The following EXOC5 variants were observed in gnomAD, a reference collection of about 807,000 sequenced individuals.
The protein encoded by EXOC5 is SEC10-like 1.
In EXOC5, 17 loss-of-function variants were observed where a neutral mutation model predicts 90.8. The observed-to-expected ratio is 0.19, with a 90% CI of 0.13 to 0.28. The LOEUF is 0.28. EXOC5 is among the 10% of genes least tolerant of loss of function. The pLI is 1.00. For missense variants in EXOC5, 569 were observed against 830.6 expected, an observed-to-expected ratio of 0.69 and a Z score of 3.87; for synonymous variants, 260 against 270.0, an observed-to-expected ratio of 0.96 and a Z score of 0.36.
At chr14:57,215,311 C>T (rs188290069) in intron 15 of EXOC5, among the ~76,000 whole-genome samples, 1 of 151,870 alleles carries the variant, frequency 6.6e-6, no homozygotes, top group East Asian at 1.9e-4. Flanking sequence ...ATTACACTTT[C>T]AAACTCATTT....
chr14:57,268,342 C>T, intron 1 of EXOC5: 3 of 754,080 alleles, frequency 4.0e-6, no homozygotes, highest in Non-Finnish European at 6.1e-6. Flanking sequence ...TCCAGACTTT[C>T]CCTCTTGCCC....
intron 13 of EXOC5, among the ~76,000 whole-genome samples, chr14:57,221,076 A>G (rs1162281266): frequency 6.6e-6 from 1 of 152,172 alleles, no homozygotes; most frequent in Non-Finnish European, 1.5e-5. Flanking sequence ...GAAGATAATA[A>G]GGATAACTGG....
rs906590824 is a variant in EXOC5, at chr14:57,206,651, C to T, written c.*1958G>A. ...CACTTTTAAATTAAGTATTCACTTA[C>T]GAATTTTGTCACTGTCCTATCAACG... On this transcript the variant is annotated 3_prime_UTR_variant, in exon 18 of 18. Transcript: ENST00000621441. 3.3e-5 allele frequency: 5 copies of T among 152,278 alleles called. No individual in the cohort carries two copies. Among genetic ancestry groups the T allele is most frequent in the Admixed American group, 1.3e-4 (2 of 15,208 alleles). 9.4% of individuals were successfully genotyped at this position (152,278 alleles called of 1,614,324 possible).
At chr14:57,266,494 C>T (rs1034204272) in intron 1 of EXOC5, among the ~76,000 whole-genome samples, 2 of 152,064 alleles carry the variant, frequency 1.3e-5, no homozygotes, top group Admixed American at 1.3e-4. Context: ...AACTATTATG[C>T]TTTTAATTAT....
intron 12 of EXOC5, among the ~76,000 whole-genome samples, chr14:57,228,563 A>G (rs1232165477): frequency 6.6e-6 from 1 of 152,164 alleles, no homozygotes; most frequent in African/African-American, 2.4e-5. Flanking sequence ...AGGGACACAG[A>G]TGAAGCTAGA....
intron 4 of EXOC5, among the ~76,000 whole-genome samples, chr14:57,243,799 T>C (rs1163195583): frequency 2.6e-5 from 4 of 152,280 alleles, no homozygotes; most frequent in East Asian, 3.9e-4. Flanking sequence ...TTATCAATGA[T>C]TTAGGTCAGA....
At chr14:57,252,188 A>C (rs1884216339) in intron 1 of EXOC5, among the ~76,000 whole-genome samples, 1 of 152,184 alleles carries the variant, frequency 6.6e-6, no homozygotes, top group Non-Finnish European at 1.5e-5. Flanking sequence ...AAGAGGAAAC[A>C]CTTCCTAATT....
In EXOC5 at chr14:57,209,707, C is replaced by T. The variant is rs781752068; in HGVS notation, c.1798G>A (p.Asp600Asn). ...IKNSMDGKNVDTVLMELGVRF... is the reference protein window; with the variant it reads ...IKNSMDGKNVNTVLMELGVRF... ...ACTCCAAGTTCCATCAAAACTGTAT[C>T]CACATTCTTCCCATCCATGGAATTT... The change falls in exon 17 of 18, where the codon GAT becomes AAT. Residue 600 changes from aspartate to asparagine, a missense_variant. Coordinates refer to ENST00000621441, the MANE Select transcript of EXOC5 (RefSeq NM_006544.4). 1.2e-6 allele frequency: 2 copies of T among 1,612,890 alleles called. No homozygotes were observed. Among genetic ancestry groups the T allele is most frequent in the East Asian group, 4.5e-5 (2 of 44,824 alleles).
rs1253187928 is a variant in EXOC5, at chr14:57,209,548, T to C, written c.1938+19A>G. On this transcript the variant is annotated intron_variant, in intron 17 of 17. Coordinates refer to ENST00000621441, the MANE Select transcript of EXOC5 (RefSeq NM_006544.4). ...CTCCTGGGCCTATTTGCAAGTTTGA[T>C]GTTTTTGTGTACACATACCTTGAAG... 2.7e-6 allele frequency: 4 copies of C among 1,484,676 alleles called. No individual in the cohort carries two copies. Among genetic ancestry groups the C allele is most frequent in the Middle Eastern group, 1.7e-4 (1 of 5,738 alleles). The allele number at this position is 1,484,676 out of a possible 1,614,324, so 92.0% of individuals were successfully genotyped here.
In EXOC5 at chr14:57,241,990, G is replaced by A. The variant is rs548713055; in HGVS notation, c.465+2175C>T. ...CTACTAAAAATACAAAAAATTAGCCGGGTATGGTGGCAGGCGCCTGTGGTC... is the reference window on the plus strand; with the variant it reads ...CTACTAAAAATACAAAAAATTAGCCAGGTATGGTGGCAGGCGCCTGTGGTC... On this transcript the variant is annotated intron_variant, in intron 4 of 17. Transcript: ENST00000621441. Among the ~76,000 whole-genome samples, 357 of 151,872 alleles carry A rather than the reference G, an allele frequency of 2.4e-3. 2 individuals are homozygous for A. The highest frequency in any genetic ancestry group is 8.2e-3 in the African/African-American group (340 of 41,486).
chr14:57,252,199 C>A (rs965768795), intron 1 of EXOC5, among the ~76,000 whole-genome samples: 2 of 152,172 alleles, frequency 1.3e-5, no homozygotes, highest in Non-Finnish European at 2.9e-5. Context: ...CTTCCTAATT[C>A]ACTGTATGAG....
rs1228687677 is a variant in EXOC5 at position 57,209,690 on chromosome 14, T to A, written c.1815A>T (p.Glu605Asp). 1.9e-6 allele frequency: 3 copies of A among 1,612,762 alleles called. No individual in the cohort carries two copies. The highest frequency in any genetic ancestry group is 2.5e-6 in the Non-Finnish European group (3 of 1,179,208). Residue 605 changes from glutamate (E) to aspartate (D), a missense_variant, in exon 17 of 18, where the codon GAA becomes GAT. Physicochemically the swap from Glu to Asp is conservative, Grantham distance 45 (BLOSUM62 2). Coordinates refer to ENST00000621441, the MANE Select transcript of EXOC5 (RefSeq NM_006544.4). ...DGKNVDTVLM[E>D]LGVRFHRLIY... ...TAAGTCGATGAAAACGTACTCCAAG[T>A]TCCATCAAAACTGTATCCACATTCT...
At chr14:57,261,064 C>T (rs1053540606) in intron 1 of EXOC5, among the ~76,000 whole-genome samples, 2 of 152,082 alleles carry the variant, frequency 1.3e-5, no homozygotes, top group Admixed American at 6.6e-5. Context: ...TTTCAAATTT[C>T]GGCTTCAAGG....
chr14:57,214,185 T>C (rs559505098), intron 15 of EXOC5, among the ~76,000 whole-genome samples: 2 of 152,068 alleles, frequency 1.3e-5, no homozygotes, highest in Non-Finnish European at 2.9e-5. Context: ...ACACATGCCA[T>C]TTTATTATTC....
At chr14:57,237,598 A>C in intron 5 of EXOC5, 1 of 407,858 alleles carries the variant, frequency 2.5e-6, no homozygotes, top group Middle Eastern at 6.8e-4. Flanking sequence ...AGGTGATAAA[A>C]CTTAATGTAG....
In EXOC5 at chr14:57,228,685, T is replaced by TC. The variant is rs1251969752; in HGVS notation, c.1296+1048dup. On this transcript the variant is annotated intron_variant, in intron 12 of 17. Coordinates refer to ENST00000621441, the MANE Select transcript of EXOC5 (RefSeq NM_006544.4). ...ACACATGGACACAGGGAGGGGAACATCACACAGTGGGGCCTGTTGGGGGGG... is the reference window on the plus strand; with the variant it reads ...ACACATGGACACAGGGAGGGGAACATCCACACAGTGGGGCCTGTTGGGGGGG... Among the ~76,000 whole-genome samples the TC allele has an allele frequency of 4.1e-5, 5 of 121,444 alleles. No homozygotes were observed. In the East Asian group the frequency reaches 1.4e-3, roughly 34 times the overall value. The allele number at this position is 121,444 out of a possible 152,430, so 79.7% of individuals were successfully genotyped here. A position where few individuals can be genotyped will look rare whatever the true frequency, so the allele number is the denominator to read the frequency against.
Position 57,205,593 on chromosome 14 carries a change from T to C in EXOC5, c.*3016A>G. On this transcript the variant is annotated 3_prime_UTR_variant, in exon 18 of 18. Coordinates refer to ENST00000621441, the MANE Select transcript of EXOC5 (RefSeq NM_006544.4). ...AATCAAAATCTCTTTATCCAGATCCTTGTAAATATTCACCATTACAGGTAA... is the reference window on the plus strand; with the variant it reads ...AATCAAAATCTCTTTATCCAGATCCCTGTAAATATTCACCATTACAGGTAA... 3.2e-6 allele frequency: 1 copy of C among 314,684 alleles called. No homozygotes were observed. Among genetic ancestry groups the C allele is most frequent in the Non-Finnish European group, 6.1e-6 (1 of 165,122 alleles). The allele number at this position is 314,684 out of a possible 1,614,324, so 19.5% of individuals were successfully genotyped here. A position where few individuals can be genotyped will look rare whatever the true frequency, so the allele number is the denominator to read the frequency against.
chr14:57,240,206 T>G (rs1883816819), intron 4 of EXOC5, among the ~76,000 whole-genome samples: 1 of 139,364 alleles, frequency 7.2e-6, no homozygotes, highest in Non-Finnish European at 1.5e-5. Flanking sequence ...TTTCTTTTCT[T>G]TCTGTCTTTT....
intron 13 of EXOC5, among the ~76,000 whole-genome samples, chr14:57,220,579 C>A (rs58096591): frequency 0.01 from 1,565 of 152,026 alleles, 28 homozygotes; most frequent in African/African-American, 0.036. Context: ...GAGGGAGGAT[C>A]GCTTGGAGCC....
Sources: gnomAD v4.1 joint callset for allele counts (sites outside exome capture counted in the v4.1 genomes callset) on GRCh38, gnomAD v4.1.1 for gene constraint, MANE v1.5 for transcripts, NCBI Gene and HGNC (gene_info 2026-07-23, HGNC 2026-07-21) for gene names.